The following EBAG9 variants were observed in gnomAD, a reference collection of about 807,000 sequenced individuals.
EBAG9 encodes receptor-binding cancer antigen expressed on SiSo cells.
In EBAG9, 16 loss-of-function variants were observed where a neutral mutation model predicts 30.9. The observed-to-expected ratio is 0.52, with a 90% CI of 0.35 to 0.79. The LOEUF is 0.79. Among genes scored for constraint, EBAG9 ranks in the 30% least tolerant of loss-of-function variants. EBAG9 has a pLI of 0.01. For synonymous variants in EBAG9, 93 were observed against 82.8 expected (o/e 1.12, Z -0.67); for missense variants, 197 against 242.1 (o/e 0.81, Z 1.24).
At chr8:109,544,150 TA>T (rs1199095485) in intron 1 of EBAG9, among the ~76,000 whole-genome samples, 1 of 152,196 alleles carries the variant, frequency 6.6e-6, no homozygotes, top group Non-Finnish European at 1.5e-5. Context: ...GTAAGGTAAT[TA>T]AAAAACTAAT....
intron 3 of EBAG9, 73 bp downstream of exon 3, chr8:109,554,016 T>G (rs1411606174): frequency 2.7e-6 from 3 of 1,110,248 alleles, no homozygotes; most frequent in Non-Finnish European, 3.8e-6. Flanking sequence ...GAACAATATT[T>G]TAAAAACTGG....
intron 1 of EBAG9, among the ~76,000 whole-genome samples, chr8:109,544,311 A>G (rs571230529): frequency 1.1e-4 from 17 of 152,288 alleles, no homozygotes; most frequent in African/African-American, 3.8e-4. Context: ...TTCTGGGAAA[A>G]AAAACTATCA....
At chr8:109,549,269 A>T (rs1821447380) in intron 1 of EBAG9, among the ~76,000 whole-genome samples, 1 of 152,008 alleles carries the variant, frequency 6.6e-6, no homozygotes. Context: ...ACAATGTAGT[A>T]TCCATTTATA....
At chr8:109,563,523 G>C in intron 6 of EBAG9, 1 of 1,596,352 alleles carries the variant, frequency 6.3e-7, no homozygotes. Context: ...GTTACGGAAA[G>C]AGTAAGGAAC....
At chr8:109,548,048 TA>T (rs1821421158) in intron 1 of EBAG9, among the ~76,000 whole-genome samples, 1 of 152,132 alleles carries the variant, frequency 6.6e-6, no homozygotes, top group Non-Finnish European at 1.5e-5. Flanking sequence ...TTGTACTACC[TA>T]AAAATCTTTG....
At chr8:109,545,565 A>C (rs1487703718) in intron 1 of EBAG9, among the ~76,000 whole-genome samples, 1 of 151,820 alleles carries the variant, frequency 6.6e-6, no homozygotes, top group Non-Finnish European at 1.5e-5. Context: ...GGATTTCACC[A>C]TATTGGCCAG....
chr8:109,563,403 G>T (rs768522045), intron 6 of EBAG9: 2 of 1,596,816 alleles, frequency 1.3e-6, no homozygotes, highest in East Asian at 4.5e-5. Context: ...TCAGATCCAG[G>T]ACCAATGTAT....
chr8:109,545,852 T>C (rs116009457), intron 1 of EBAG9, among the ~76,000 whole-genome samples: 2,200 of 152,274 alleles, frequency 0.014, 58 homozygotes, highest in African/African-American at 0.051. Context: ...CTATAACTTA[T>C]CAGTTCTGTA....
chr8:109,548,845 A>G (rs1173318213), intron 1 of EBAG9, among the ~76,000 whole-genome samples: 1 of 144,022 alleles, frequency 6.9e-6, no homozygotes, highest in Non-Finnish European at 1.5e-5. Context: ...CTGCCTTTCC[A>G]TTCTGGATGC....
intron 5 of EBAG9, among the ~76,000 whole-genome samples, chr8:109,558,694 C>T (rs1005561517): frequency 6.6e-6 from 1 of 152,202 alleles, no homozygotes; most frequent in African/African-American, 2.4e-5. Context: ...AGGGGCATTG[C>T]ATAGGAGAGG....
At chr8:109,555,581 G>A (rs1462697579) in intron 4 of EBAG9, among the ~76,000 whole-genome samples, 2 of 152,138 alleles carry the variant, frequency 1.3e-5, no homozygotes, top group Admixed American at 1.3e-4. Context: ...TTGGATAAGA[G>A]TTCTAACAAG....
intron 1 of EBAG9, among the ~76,000 whole-genome samples, chr8:109,547,732 G>A (rs1035414522): frequency 2.6e-5 from 4 of 151,920 alleles, no homozygotes; most frequent in South Asian, 2.1e-4. Context: ...CGCCCGCCTC[G>A]GCCTCCCAAA....
intron 3 of EBAG9, 75 bp downstream of exon 3, chr8:109,554,018 A>T: frequency 9.2e-7 from 1 of 1,088,066 alleles, no homozygotes; most frequent in Non-Finnish European, 1.3e-6. Flanking sequence ...ACAATATTTT[A>T]AAAACTGGAT....
intron 1 of EBAG9, chr8:109,540,836 T>C (rs1254095880): frequency 6.6e-6 from 1 of 152,250 alleles, no homozygotes; most frequent in Non-Finnish European, 1.5e-5. Context: ...GGTTTTCAAA[T>C]TTTGGTATGA....
At chr8:109,547,921 T>G (rs2131105720) in intron 1 of EBAG9, among the ~76,000 whole-genome samples, 1 of 152,332 alleles carries the variant, frequency 6.6e-6, no homozygotes, top group East Asian at 1.9e-4. Flanking sequence ...TTTGCAAGGA[T>G]TTTTCTCTCA....
At position 109,560,846 on chromosome 8, in the gene EBAG9, A is replaced by G. The variant is rs769572523; in HGVS notation, c.438A>G (p.Leu146=). 4.8e-5 allele frequency: 78 copies of G among 1,611,970 alleles called. No homozygotes were observed. The highest frequency in any genetic ancestry group is 6.0e-5 in the Non-Finnish European group (71 of 1,178,654). ...TTTACTTTTCATTGTAGTCTGAATT[A>G]GGTGACTTAGATACCTGGCAGGAAA... The part of the protein sequence containing the change: ...DLPFIHQSSE[L]GDLDTWQENT... Residue 146 remains leucine, a synonymous_variant, in exon 6 of 7, where the codon TTA becomes TTG. Transcript: ENST00000337573.
intron 4 of EBAG9, among the ~76,000 whole-genome samples, chr8:109,556,191 CAT>C (rs1406876980): frequency 6.6e-6 from 1 of 152,038 alleles, no homozygotes; most frequent in African/African-American, 2.4e-5. Context: ...AACACACACA[CAT>C]ACACACTTCA....
rs73700652 is a variant in EBAG9, at chr8:109,553,948, G to T, written c.162+5G>T. 3,758 of 1,586,872 alleles carry T rather than the reference G, an allele frequency of 2.4e-3. 91 individuals carry two copies. The African/African-American group carries it at 0.045, about 19-fold the overall frequency. On this transcript the variant is annotated splice_donor_5th_base_variant and intron_variant, in intron 3 of 6. Coordinates refer to ENST00000337573, the MANE Select transcript of EBAG9 (RefSeq NM_004215.5). ...TATTCATCAGTTCCTAAGCAGGTAG[G>T]TTTTTTTTGTGTGTTCTTTTGTTTT...
intron 6 of EBAG9, 91 bp downstream of exon 6, chr8:109,561,020 ATAT>A (rs1821700635): frequency 9.4e-7 from 1 of 1,065,964 alleles, no homozygotes; most frequent in Non-Finnish European, 1.3e-6. Context: ...ATTTTGCCAA[ATAT>A]TATATTTTTC....
Sources: gnomAD v4.1 joint callset for allele counts (sites outside exome capture counted in the v4.1 genomes callset) on GRCh38, gnomAD v4.1.1 for gene constraint, MANE v1.5 for transcripts, NCBI Gene and HGNC (gene_info 2026-07-23, HGNC 2026-07-21) for gene names.